The following MAP3K13 variants were observed in gnomAD, a reference collection of about 807,000 sequenced individuals.
MAP3K13 encodes mitogen-activated protein kinase kinase kinase 13.
Under a neutral mutation model 104.0 loss-of-function variants are expected in MAP3K13, and 52 were observed. The observed-to-expected ratio is 0.50, with a 90% CI of 0.40 to 0.63. MAP3K13 has a LOEUF of 0.63. MAP3K13 is among the 20% of genes least tolerant of loss of function. The pLI is 0.00. For missense variants in MAP3K13, 914 were observed against 1,218.5 expected (o/e 0.75, Z 3.72); for synonymous variants, 394 against 442.2 (o/e 0.89, Z 1.37).
At chr3:185,448,598 A>G (rs1715717303) in intron 5 of MAP3K13, among the ~76,000 whole-genome samples, 1 of 152,236 alleles carries the variant, frequency 6.6e-6, no homozygotes, top group South Asian at 2.1e-4. Flanking sequence ...TGCATGTAAT[A>G]CCAGAGCAAA....
chr3:185,361,001 AT>A, upstream of MAP3K13, among the ~76,000 whole-genome samples: 1 of 150,760 alleles, frequency 6.6e-6, no homozygotes, highest in Non-Finnish European at 1.5e-5. Flanking sequence ...TAATTTTTGT[AT>A]TTTTAGTAGA....
chr3:185,411,544 C>G (rs563560554), intron 1 of MAP3K13, among the ~76,000 whole-genome samples: 2 of 152,234 alleles, frequency 1.3e-5, no homozygotes, highest in African/African-American at 4.8e-5. Flanking sequence ...ATTGAAACAA[C>G]AGAAAATTCA....
At chr3:185,470,310 G>C (rs1717702467) in intron 10 of MAP3K13, among the ~76,000 whole-genome samples, 2 of 152,176 alleles carry the variant, frequency 1.3e-5, no homozygotes, top group South Asian at 4.1e-4. Flanking sequence ...CCCTGAATCA[G>C]TTCATCAGTT....
chr3:185,327,112 CTG>C (rs1381938411), intron 2 of MAP3K13, among the ~76,000 whole-genome samples: 2 of 152,168 alleles, frequency 1.3e-5, no homozygotes, highest in Non-Finnish European at 2.9e-5. Flanking sequence ...GGCGGACACT[CTG>C]GGGAAAAATC....
At chr3:185,346,972 C>CATAGCACAA (rs573584284) in intron 2 of MAP3K13, among the ~76,000 whole-genome samples, 49 of 147,762 alleles carry the variant, frequency 3.3e-4, no homozygotes, top group African/African-American at 1.2e-3. Flanking sequence ...CTGAGGTGTT[C>CATAGCACAA]ATAGCACAAA....
At position 185,428,757 on chromosome 3, in the gene MAP3K13, G is replaced by A. The variant is rs1214719039; in HGVS notation, c.176G>A (p.Ser59Asn). Residue 59 changes from serine to asparagine, a missense_variant, in exon 2 of 14, where the codon AGC becomes AAC. Physicochemically the swap from Ser to Asn is conservative, Grantham distance 46. Around this residue, in one of 3 missense-constraint regions of MAP3K13, gnomAD observed 156 missense variants for 159.8 expected, o/e 0.98. Coordinates refer to ENST00000265026, the MANE Select transcript of MAP3K13 (RefSeq NM_004721.5). The stretch of plus-strand genomic sequence containing the variant: ...ATGGTACGAACAGAGCTAATCGAGA[G>A]CGTGCACAGCCCCGTCACCACAACA... ...KGMVRTELIE[S>N]VHSPVTTTVL... 1.2e-6 allele frequency: 2 copies of A among 1,614,198 alleles called. No homozygotes were observed. Among genetic ancestry groups the A allele is most frequent in the Non-Finnish European group, 1.7e-6 (2 of 1,180,038 alleles).
At chr3:185,393,031 G>A (rs1273197259) in intron 1 of MAP3K13, among the ~76,000 whole-genome samples, 4 of 151,990 alleles carry the variant, frequency 2.6e-5, no homozygotes, top group Non-Finnish European at 4.4e-5. Context: ...CAGCCTGGGT[G>A]ATGGAGTGAG....
chr3:185,476,190 G>A (rs950001686), intron 11 of MAP3K13, among the ~76,000 whole-genome samples: 1 of 151,744 alleles, frequency 6.6e-6, no homozygotes. Flanking sequence ...ACCATCTACG[G>A]GTCTTTAGGC....
At chr3:185,307,848 A>G (rs907827581) in intron 2 of MAP3K13, among the ~76,000 whole-genome samples, 2 of 151,862 alleles carry the variant, frequency 1.3e-5, no homozygotes, top group African/African-American at 4.8e-5. Flanking sequence ...AGCCTTTAAA[A>G]TAGTTTTTAT....
Position 185,465,162 on chromosome 3 carries a change from G to C in MAP3K13, c.1389-585G>C, listed in dbSNP as rs183157958. On this transcript the variant is annotated intron_variant, in intron 8 of 13. Transcript: ENST00000265026. ...CGGGCTAATTTTTGTATTTTTAGTA[G>C]AGACAGGGTTTCACCATATTGCACA... 1.6e-3 allele frequency among the ~76,000 whole-genome samples: 247 copies of C among 152,248 alleles called. 1 individual carries two copies. The highest frequency in any genetic ancestry group is 2.9e-3 in the Non-Finnish European group (197 of 68,026).
intron 1 of MAP3K13, among the ~76,000 whole-genome samples, chr3:185,367,652 G>T (rs1175337488): frequency 3.3e-5 from 5 of 151,678 alleles, no homozygotes; most frequent in South Asian, 2.1e-4. Flanking sequence ...ACTGGAATAT[G>T]GTGGCTTGAT....
intron 1 of MAP3K13, among the ~76,000 whole-genome samples, chr3:185,366,305 T>C (rs957632179): frequency 2.6e-5 from 4 of 152,156 alleles, no homozygotes; most frequent in African/African-American, 9.7e-5. Context: ...CCAAGAAATA[T>C]TCCAGTGCAC....
intron 2 of MAP3K13, among the ~76,000 whole-genome samples, chr3:185,354,305 C>G (rs1341467211): frequency 6.6e-6 from 1 of 150,840 alleles, no homozygotes; most frequent in East Asian, 2.0e-4. Flanking sequence ...CAGAGAGCAT[C>G]ACCCGGTAGC....
At chr3:185,442,940 AGCAGTTCTCT>A (rs1467640409) in intron 3 of MAP3K13, among the ~76,000 whole-genome samples, 2 of 152,066 alleles carry the variant, frequency 1.3e-5, no homozygotes, top group African/African-American at 2.4e-5. Context: ...CCCGGGTTCA[AGCAGTTCTCT>A]GCCTCAGTCT....
In MAP3K13 at chr3:185,437,569, C is replaced by A. The variant is rs779449297; in HGVS notation, c.598C>A (p.Gln200Lys). The A allele has an allele frequency of 1.2e-6, 2 of 1,613,402 alleles. No individual in the cohort carries two copies. Among genetic ancestry groups the A allele is most frequent in the South Asian group, 2.2e-5 (2 of 91,034 alleles). ...EEVAIKKVRE[Q>K]NETDIKHLRK... The stretch of plus-strand genomic sequence containing the variant: ...GGTGGCCATCAAGAAAGTGAGAGAA[C>A]AGAATGAGACGGATATCAAGCATTT... The change falls in exon 3 of 14, where the codon CAG (glutamine) becomes AAG (lysine). Residue 200 changes from glutamine (Q) to lysine (K), a missense_variant. Physicochemically the swap from Gln to Lys is moderately conservative, Grantham distance 53. This residue lies in a region of MAP3K13 where 175 missense variants were observed against 321.3 expected (regional missense o/e 0.54). Transcript: ENST00000265026.
At chr3:185,344,083 C>T (rs549821806) in intron 2 of MAP3K13, among the ~76,000 whole-genome samples, 3 of 152,310 alleles carry the variant, frequency 2.0e-5, no homozygotes, top group South Asian at 2.1e-4. Flanking sequence ...GAATGTTTCC[C>T]ATACACAAGG....
intron 1 of MAP3K13, among the ~76,000 whole-genome samples, chr3:185,421,131 ACTTT>A (rs1415902972): frequency 6.6e-6 from 1 of 151,948 alleles, no homozygotes; most frequent in Admixed American, 6.6e-5. Flanking sequence ...TTCCCGGAGT[ACTTT>A]CTTTTTCTTT....
chr3:185,455,877 A>ATATATATAT (rs1560121148), intron 7 of MAP3K13, among the ~76,000 whole-genome samples: 584 of 51,576 alleles, frequency 0.011, 28 homozygotes, highest in African/African-American at 0.025. Context: ...GATATAGATG[A>ATATATATAT]GATATATGAT....
At position 185,440,359 on chromosome 3, in the gene MAP3K13, C is replaced by A. The variant is rs970233330; in HGVS notation, c.659+2729C>A. On this transcript the variant is annotated intron_variant, in intron 3 of 13. Coordinates refer to ENST00000265026, the MANE Select transcript of MAP3K13 (RefSeq NM_004721.5). ...ACTGTTAGACCGTTTCTATGTGGAA[C>A]AAGTTAAAACATAGTCGAATAGGAG... Among the ~76,000 whole-genome samples the A allele has an allele frequency of 2.0e-5, 3 of 152,064 alleles. No individual in the cohort carries two copies. The South Asian group carries it at 6.2e-4, about 31-fold the overall frequency.
Sources: gnomAD v4.1 joint callset for allele counts (sites outside exome capture counted in the v4.1 genomes callset) on GRCh38, gnomAD v4.1.1 for gene constraint, gnomAD v4.1.1 regional missense constraint, MANE v1.5 for transcripts, NCBI Gene and HGNC (gene_info 2026-07-23, HGNC 2026-07-21) for gene names.